The following CTNNA3 variants were observed in gnomAD, a reference collection of about 807,000 sequenced individuals.
CTNNA3 encodes the protein catenin alpha 3.
A neutral mutation model predicts 95.7 loss-of-function variants in CTNNA3; 76 were observed. The ratio of observed to expected loss-of-function variants is 0.79; its 90% CI spans 0.66 to 0.96. The LOEUF is 0.96. Among genes scored for constraint, CTNNA3 ranks in the 40% least tolerant of loss-of-function variants. The pLI is 0.00. For synonymous variants in CTNNA3, 431 were observed against 374.4 expected (o/e 1.15, Z -1.74); for missense variants, 1,191 against 1,089.8 (o/e 1.09, Z -1.31).
At chr10:66,646,047 T>C (rs1415502655) in intron 9 of CTNNA3, among the ~76,000 whole-genome samples, 1 of 152,222 alleles carries the variant, frequency 6.6e-6, no homozygotes, top group Non-Finnish European at 1.5e-5. Flanking sequence ...CTATTCATTG[T>C]AAATTTAGAC....
intron 13 of CTNNA3, among the ~76,000 whole-genome samples, chr10:66,191,231 A>G (rs2086651019): frequency 6.6e-6 from 1 of 152,160 alleles, no homozygotes; most frequent in South Asian, 2.1e-4. Context: ...GAGAGATTCT[A>G]GGTTCTTGGC....
chr10:66,188,509 G>A (rs2086456766), intron 13 of CTNNA3, among the ~76,000 whole-genome samples: 1 of 147,786 alleles, frequency 6.8e-6, no homozygotes, highest in Non-Finnish European at 1.5e-5. Flanking sequence ...ATTTCACTTA[G>A]CATAATGTGC....
chr10:67,232,655 T>A (rs1589060455), intron 5 of CTNNA3, among the ~76,000 whole-genome samples: 1 of 150,414 alleles, frequency 6.6e-6, no homozygotes, highest in African/African-American at 2.5e-5. Flanking sequence ...AATTCACACA[T>A]AACAATATTA....
chr10:67,442,169 A>G (rs1347481834), intron 5 of CTNNA3, among the ~76,000 whole-genome samples: 28 of 152,306 alleles, frequency 1.8e-4, no homozygotes, highest in Admixed American at 1.8e-3. Context: ...ATAACGGGTT[A>G]TAAGATAGTA....
chr10:66,386,529 T>A (rs1204102636), intron 11 of CTNNA3, among the ~76,000 whole-genome samples: 12 of 152,152 alleles, frequency 7.9e-5, no homozygotes, highest in Non-Finnish European at 1.5e-4. Flanking sequence ...CCCAAGGTAA[T>A]TTATAGATTC....
At chr10:66,716,636 T>C (rs1848459010) in intron 9 of CTNNA3, among the ~76,000 whole-genome samples, 1 of 152,180 alleles carries the variant, frequency 6.6e-6, no homozygotes, top group South Asian at 2.1e-4. Context: ...TTTGTGTTTT[T>C]GTCATATGTG....
At chr10:67,231,490 A>C (rs953589792) in intron 5 of CTNNA3, among the ~76,000 whole-genome samples, 19 of 152,212 alleles carry the variant, frequency 1.2e-4, no homozygotes, top group African/African-American at 4.1e-4. Context: ...AAAACTAACA[A>C]ACAGAAAGGA....
At chr10:66,217,391 A>G (rs2088621425) in intron 13 of CTNNA3, among the ~76,000 whole-genome samples, 1 of 151,896 alleles carries the variant, frequency 6.6e-6, no homozygotes, top group South Asian at 2.1e-4. Flanking sequence ...ACAATATATA[A>G]CTTCCTGATA....
At chr10:66,665,617 G>A (rs913937369) in intron 9 of CTNNA3, among the ~76,000 whole-genome samples, 7 of 151,962 alleles carry the variant, frequency 4.6e-5, no homozygotes, top group African/African-American at 9.7e-5. Context: ...TAACTTCCCC[G>A]ACCCATCTGT....
At chr10:66,788,884 A>C (rs184941131) in intron 7 of CTNNA3, among the ~76,000 whole-genome samples, 7 of 152,324 alleles carry the variant, frequency 4.6e-5, no homozygotes, top group Admixed American at 1.3e-4. Context: ...AGGGGGTGCC[A>C]GTCAACCTGG....
In CTNNA3 at chr10:67,017,513, T is replaced by C. The variant is rs78279623; in HGVS notation, c.1047+162804A>G. ...ACAATCTATCTTTTGTGTACCACAC[T>C]GGGAACCACAATCCATCCTCTATGG... On this transcript the variant is annotated intron_variant, in intron 7 of 17. Coordinates refer to ENST00000433211, the MANE Select transcript of CTNNA3 (RefSeq NM_013266.4). 2.3e-3 allele frequency among the ~76,000 whole-genome samples: 357 copies of C among 152,304 alleles called. 4 individuals carry two copies. The highest frequency in any genetic ancestry group is 8.0e-3 in the African/African-American group (331 of 41,578).
intron 9 of CTNNA3, among the ~76,000 whole-genome samples, chr10:66,676,583 A>T (rs1340485775): frequency 6.6e-6 from 1 of 152,106 alleles, no homozygotes; most frequent in Non-Finnish European, 1.5e-5. Context: ...CATTTCTCAT[A>T]GCCTGCCTCT....
intron 10 of CTNNA3, among the ~76,000 whole-genome samples, chr10:66,532,058 AG>A (rs1393055840): frequency 2.0e-5 from 3 of 152,212 alleles, no homozygotes; most frequent in African/African-American, 7.2e-5. Context: ...ACATCTACAA[AG>A]TTTCTCTTTA....
rs1589787316 is a variant in CTNNA3 at position 67,141,833 on chromosome 10, C to T, written c.1047+38484G>A. ...TTAACTGGAAAGCATTTTATATATT[C>T]TAAAATATATCCAGGGTGTTTTTTT... On this transcript the variant is annotated intron_variant, in intron 7 of 17. Coordinates refer to ENST00000433211, the MANE Select transcript of CTNNA3 (RefSeq NM_013266.4). 9.9e-5 allele frequency among the ~76,000 whole-genome samples: 15 copies of T among 151,976 alleles called. No homozygotes were observed. The South Asian group carries it at 3.1e-3, about 32-fold the overall frequency.
At chr10:66,183,612 A>C (rs2086167341) in intron 13 of CTNNA3, among the ~76,000 whole-genome samples, 1 of 152,220 alleles carries the variant, frequency 6.6e-6, no homozygotes, top group Non-Finnish European at 1.5e-5. Flanking sequence ...GGCTTTTCTC[A>C]GTAATGTTTC....
chr10:66,429,822 A>C (rs1026896392), intron 11 of CTNNA3, among the ~76,000 whole-genome samples: 36 of 152,190 alleles, frequency 2.4e-4, no homozygotes, highest in Admixed American at 2.4e-3. Context: ...ACCTGGAAAC[A>C]TTCCCTTTGA....
intron 12 of CTNNA3, among the ~76,000 whole-genome samples, chr10:66,295,277 A>G (rs3998974): frequency 1 from 151,880 of 152,304 alleles, 75,729 homozygotes; most frequent in Middle Eastern, 1. Context: ...CTAATGCACT[A>G]TAAGAGCAAT....
chr10:66,398,769 T>G (rs564163884), intron 11 of CTNNA3, among the ~76,000 whole-genome samples: 1 of 152,008 alleles, frequency 6.6e-6, no homozygotes, highest in Admixed American at 6.6e-5. Flanking sequence ...CTTTTAAAAA[T>G]GCAAAGAGTG....
intron 5 of CTNNA3, among the ~76,000 whole-genome samples, chr10:67,373,454 G>A (rs1306431809): frequency 6.6e-6 from 1 of 152,160 alleles, no homozygotes; most frequent in Non-Finnish European, 1.5e-5. Context: ...ACCCAATACA[G>A]GAGCACCCAG....
Sources: gnomAD v4.1 joint callset for allele counts (sites outside exome capture counted in the v4.1 genomes callset) on GRCh38, gnomAD v4.1.1 for gene constraint, MANE v1.5 for transcripts, NCBI Gene and HGNC (gene_info 2026-07-23, HGNC 2026-07-21) for gene names.